The following AGBL4 variants were observed in gnomAD, a reference collection of about 807,000 sequenced individuals.
AGBL4 encodes the protein AGBL carboxypeptidase 4.
A neutral mutation model predicts 66.4 loss-of-function variants in AGBL4; 58 were observed. The observed-to-expected ratio is 0.87, with a 90% CI of 0.71 to 1.09. The LOEUF is 1.09. Among genes scored for constraint, AGBL4 ranks in the 50% least tolerant of loss-of-function variants. The pLI, the probability that AGBL4 is intolerant of heterozygous loss-of-function variation, is 0.00. For missense variants in AGBL4, 579 were observed against 631.0 expected, an observed-to-expected ratio of 0.92 and a Z score of 0.88; for synonymous variants, 234 against 222.9, an observed-to-expected ratio of 1.05 and a Z score of -0.44.
intron 3 of AGBL4, among the ~76,000 whole-genome samples, chr1:49,283,453 G>A (rs781381787): frequency 3.3e-4 from 50 of 152,134 alleles, no homozygotes; most frequent in Non-Finnish European, 5.9e-4. Flanking sequence ...ACTCTAAAAC[G>A]CAGAGCGTCT....
chr1:49,034,407 T>TA (rs1664474054), intron 5 of AGBL4, among the ~76,000 whole-genome samples: 1 of 152,152 alleles, frequency 6.6e-6, no homozygotes, highest in Admixed American at 6.6e-5. Flanking sequence ...AAAACTGATG[T>TA]AAAAATGCCA....
chr1:49,318,631 A>G (rs1183855565), intron 3 of AGBL4, among the ~76,000 whole-genome samples: 1 of 152,120 alleles, frequency 6.6e-6, no homozygotes, highest in Non-Finnish European at 1.5e-5. Context: ...CCAAGTAGAA[A>G]ATAAAGCAGG....
At chr1:50,001,401 T>G (rs887167500) in intron 1 of AGBL4, among the ~76,000 whole-genome samples, 1 of 148,524 alleles carries the variant, frequency 6.7e-6, no homozygotes, top group African/African-American at 2.5e-5. Flanking sequence ...TTTTTTCAAC[T>G]TAGGAAAAAA....
intron 3 of AGBL4, among the ~76,000 whole-genome samples, chr1:49,400,840 C>A (rs180700572): frequency 6.6e-6 from 1 of 152,096 alleles, no homozygotes; most frequent in Non-Finnish European, 1.5e-5. Flanking sequence ...TCCTTTCCAA[C>A]CCTTTATTTC....
intron 1 of AGBL4, among the ~76,000 whole-genome samples, chr1:50,014,542 T>A (rs1661813941): frequency 7.0e-6 from 1 of 143,062 alleles, no homozygotes; most frequent in Admixed American, 6.9e-5. Context: ...ATTTCTTTTT[T>A]TTTTTTTTTT....
intron 6 of AGBL4, among the ~76,000 whole-genome samples, chr1:48,715,697 A>G (rs1049317588): frequency 9.9e-5 from 2 of 20,300 alleles, no homozygotes; most frequent in Non-Finnish European, 4.3e-4. Context: ...GTGGGGAGGG[A>G]AAAAAATGTG....
intron 2 of AGBL4, among the ~76,000 whole-genome samples, chr1:49,814,920 A>G (rs987157296): frequency 3.9e-5 from 6 of 152,164 alleles, no homozygotes; most frequent in African/African-American, 1.2e-4. Context: ...TTTATGGGGT[A>G]TATCAGATGT....
chr1:49,221,710 G>T (rs56070225), intron 4 of AGBL4, among the ~76,000 whole-genome samples: 1 of 152,028 alleles, frequency 6.6e-6, no homozygotes, highest in East Asian at 1.9e-4. Flanking sequence ...CTTTGAAAGA[G>T]AATTTTGTCT....
At chr1:49,957,668 A>T (rs997325003) in intron 1 of AGBL4, among the ~76,000 whole-genome samples, 12 of 151,938 alleles carry the variant, frequency 7.9e-5, no homozygotes, top group African/African-American at 2.9e-4. Flanking sequence ...TTTATCAGAG[A>T]CTAGGATTGC....
chr1:49,489,090 G>GT (rs1288425215), intron 3 of AGBL4, among the ~76,000 whole-genome samples: 1 of 151,728 alleles, frequency 6.6e-6, no homozygotes. Context: ...TCTATTTTTA[G>GT]TTTTTTGAGG....
intron 3 of AGBL4, among the ~76,000 whole-genome samples, chr1:49,672,921 C>CAAAAAAAAAAAAA (rs60612868): frequency 1.9e-4 from 9 of 47,064 alleles, no homozygotes; most frequent in African/African-American, 4.9e-4. Context: ...AACTCCATCT[C>CAAAAAAAAAAAAA]AAAAAAAAAA....
chr1:49,164,358 C>T (rs756397998), intron 4 of AGBL4, among the ~76,000 whole-genome samples: 20 of 152,104 alleles, frequency 1.3e-4, no homozygotes, highest in Non-Finnish European at 2.2e-4. Context: ...AAAGGGAATA[C>T]ATTAAAACCT....
At chr1:49,507,374 C>T (rs527710812) in intron 3 of AGBL4, among the ~76,000 whole-genome samples, 1 of 152,150 alleles carries the variant, frequency 6.6e-6, no homozygotes, top group African/African-American at 2.4e-5. Flanking sequence ...CCTAGTCAAT[C>T]TCATGAACAG....
intron 5 of AGBL4, among the ~76,000 whole-genome samples, chr1:48,959,902 T>C (rs1416084763): frequency 2.0e-5 from 3 of 152,148 alleles, no homozygotes; most frequent in Admixed American, 6.5e-5. Flanking sequence ...GTAAGAAGAC[T>C]TTCATGTTGT....
At chr1:48,910,368 C>A (rs1652983610) in intron 5 of AGBL4, among the ~76,000 whole-genome samples, 1 of 152,126 alleles carries the variant, frequency 6.6e-6, no homozygotes, top group Non-Finnish European at 1.5e-5. Context: ...TAATTTAAAG[C>A]CATTTTTAGT....
chr1:48,545,882 T>C (rs2148273092), intron 11 of AGBL4, among the ~76,000 whole-genome samples: 1 of 152,330 alleles, frequency 6.6e-6, no homozygotes, highest in South Asian at 2.1e-4. Context: ...ACATTTACTG[T>C]TCATTCTCAT....
At chr1:48,621,197 T>A (rs1645407635) in intron 9 of AGBL4, among the ~76,000 whole-genome samples, 1 of 152,162 alleles carries the variant, frequency 6.6e-6, no homozygotes, top group African/African-American at 2.4e-5. Flanking sequence ...ATGGGGAGCC[T>A]TCTGGGACAG....
chr1:49,128,936 T>C (rs560505172), intron 4 of AGBL4, among the ~76,000 whole-genome samples: 2 of 151,748 alleles, frequency 1.3e-5, no homozygotes, highest in Non-Finnish European at 2.9e-5. Flanking sequence ...TAAAGCCACA[T>C]AGAAAAAAAT....
intron 6 of AGBL4, among the ~76,000 whole-genome samples, chr1:48,821,108 T>G (rs188055483): frequency 2.0e-4 from 30 of 152,254 alleles, no homozygotes; most frequent in Non-Finnish European, 3.7e-4. Flanking sequence ...CAACAACAGA[T>G]ATTAGTGTGG....
Sources: allele counts gnomAD v4.1 joint callset (sites outside exome capture counted in the v4.1 genomes callset), GRCh38; gene constraint gnomAD v4.1.1; transcripts MANE v1.5; gene names NCBI Gene and HGNC (gene_info 2026-07-23, HGNC 2026-07-21).